ZBED6: variants seen among roughly 807,000 people sequenced by gnomAD.
ZBED6 encodes zinc finger BED domain-containing protein 6.
A neutral mutation model predicts 58.4 loss-of-function variants in ZBED6; 40 were observed. The observed-to-expected ratio is 0.68, with a 90% CI of 0.53 to 0.89. The LOEUF (loss-of-function observed/expected upper bound fraction) is 0.89, where lower values mean the gene tolerates loss of function less well. Ranked by LOEUF, ZBED6 falls within the 40% of genes least tolerant of loss-of-function variation. The pLI, the probability that ZBED6 is intolerant of heterozygous loss-of-function variation, is 0.00. For missense variants in ZBED6, 1,057 were observed against 1,003.9 expected (o/e 1.05, Z -0.71); for synonymous variants, 439 against 350.6 (o/e 1.25, Z -2.82).
At chr1:203,823,113 G>A (rs1395052410) in intron 3 of ZBED6, among the ~76,000 whole-genome samples, 4 of 152,118 alleles carry the variant, frequency 2.6e-5, no homozygotes, top group African/African-American at 9.7e-5. Flanking sequence ...TTAGTGGAGT[G>A]TATATTGGCA....
chr1:203,848,663 G>A (rs57389642), intron 13 of ZBED6, among the ~76,000 whole-genome samples: 1 of 152,136 alleles, frequency 6.6e-6, no homozygotes, highest in Non-Finnish European at 1.5e-5. Context: ...TGAGGCGGGC[G>A]GATCACGAGG....
exon 1 of ZBED6, chr1:203,797,263 A>G: frequency 6.9e-6 from 2 of 288,122 alleles, no homozygotes; most frequent in East Asian, 7.0e-5. Context: ...TAACATGAGG[A>G]CACTGGACTA....
At chr1:203,816,832 A>G (rs955148220) in intron 1 of ZBED6, 94 bp from the exon 2 acceptor site, 26 of 432,102 alleles carry the variant, frequency 6.0e-5, no homozygotes, top group Non-Finnish European at 1.0e-4. Context: ...TATTAATAAA[A>G]TTTGACTCTA....
chr1:203,826,834 T>G (rs1680682381), intron 3 of ZBED6, among the ~76,000 whole-genome samples: 1 of 152,178 alleles, frequency 6.6e-6, no homozygotes, highest in South Asian at 2.1e-4. Context: ...TATTAAAATG[T>G]ATCTAGAAAA....
intron 13 of ZBED6, 55 bp from the exon 14 acceptor site, chr1:203,849,656 A>T: frequency 6.5e-7 from 1 of 1,541,298 alleles, no homozygotes. Flanking sequence ...TACTTACATC[A>T]TACAGGTTAT....
rs368332657 is a variant in ZBED6 at position 203,829,752 on chromosome 1, T to A, written c.*3202-28T>A. 3.1e-6 allele frequency: 5 copies of A among 1,612,796 alleles called. No individual in the cohort carries two copies. The African/African-American group carries it at 6.7e-5, about 22-fold the overall frequency. On this transcript the variant is annotated intron_variant, in intron 5 of 16. Transcript: ENST00000550078. ...AAAGCTATAGGCGTATTTTTAATTG[T>A]GAATTTGCCTTAAATGTTGATATAT... is the stretch of plus-strand genomic sequence containing the variant.
chr1:203,852,421 A>T lies in ZBED6; in HGVS notation c.*5154A>T, dbSNP rs572435498. 15 of 1,572,708 alleles carry T rather than the reference A, an allele frequency of 9.5e-6. No homozygotes were observed. In the East Asian group the frequency reaches 2.8e-4, roughly 29 times the overall value. ...CTGAAGGTGGTAGTGAGGACACTTT[A>T]AAAAAAAAATCGCCAAAAAACTGGA... On this transcript the variant is annotated 3_prime_UTR_variant, in exon 17 of 17. Transcript: ENST00000550078.
At position 203,842,910 on chromosome 1, in the gene ZBED6, A is replaced by G. The variant is rs965413525; in HGVS notation, c.*3741+2536A>G. Among the ~76,000 whole-genome samples the G allele has an allele frequency of 8.5e-5, 10 of 117,386 alleles. No individual in the cohort carries two copies. The Admixed American group carries it at 8.7e-4, about 10-fold the overall frequency. 77.0% of individuals were successfully genotyped at this position (117,386 alleles called of 152,430 possible). A position where few individuals can be genotyped will look rare whatever the true frequency, so the allele number is the denominator to read the frequency against. ...GGAATAATAAAATGAACATCCATGT[A>G]TTCAGCCTTCCGTCTTTTTTTTTTT... On this transcript the variant is annotated intron_variant, in intron 11 of 16. Transcript: ENST00000550078.
chr1:203,819,087 T>TACACACAC (rs202070174), intron 3 of ZBED6, among the ~76,000 whole-genome samples: 26 of 41,462 alleles, frequency 6.3e-4, no homozygotes, highest in East Asian at 5.3e-3. Flanking sequence ...AATATATATA[T>TACACACAC]ATACACACAC....
intron 1 of ZBED6, among the ~76,000 whole-genome samples, chr1:203,805,292 C>T (rs1240423789): frequency 3.3e-5 from 5 of 151,550 alleles, no homozygotes; most frequent in African/African-American, 7.3e-5. Context: ...CCACCACACC[C>T]GGCTAATTTT....
exon 1 of ZBED6, chr1:203,802,465 T>C (rs1670815740): frequency 6.6e-6 from 1 of 152,526 alleles, no homozygotes; most frequent in African/African-American, 2.4e-5. Flanking sequence ...AGTATATATC[T>C]GTATGTATAT....
chr1:203,831,493 A>G (rs554542624), intron 7 of ZBED6, among the ~76,000 whole-genome samples, 168 bp from the exon 8 acceptor site: 6 of 152,284 alleles, frequency 3.9e-5, no homozygotes, highest in African/African-American at 1.2e-4. Context: ...GGCTCCCCTC[A>G]CCACTACTCC....
intron 2 of ZBED6, among the ~76,000 whole-genome samples, chr1:203,817,511 T>C (rs760522143): frequency 2.0e-5 from 3 of 148,688 alleles, no homozygotes; most frequent in Non-Finnish European, 3.0e-5. Context: ...TTCCAGAAAC[T>C]GTCATGGGTT....
chr1:203,816,862 C>T, intron 1 of ZBED6, 64 bp from the exon 2 acceptor site: 1 of 490,022 alleles, frequency 2.0e-6, no homozygotes, highest in Non-Finnish European at 3.7e-6. Flanking sequence ...TCTCATTAGC[C>T]ATGGTGATTT....
At chr1:203,803,996 G>A (rs933597057) in intron 1 of ZBED6, among the ~76,000 whole-genome samples, 4 of 152,006 alleles carry the variant, frequency 2.6e-5, no homozygotes, top group South Asian at 2.1e-4. Context: ...AATTACATTC[G>A]ATGTGTGCAT....
chr1:203,796,197 G>T, exon 1 of ZBED6: 1 of 382,340 alleles, frequency 2.6e-6, no homozygotes, highest in Non-Finnish European at 4.6e-6. Flanking sequence ...TGCTTTCTTC[G>T]GGGCAACAGT....
At chr1:203,846,926 C>T (rs148260406) in intron 11 of ZBED6, among the ~76,000 whole-genome samples, 3 of 151,684 alleles carry the variant, frequency 2.0e-5, no homozygotes, top group African/African-American at 7.3e-5. Context: ...ATCACTTGAA[C>T]CCTGGGAGGC....
At chr1:203,838,884 C>CG (rs1328405227) in intron 10 of ZBED6, among the ~76,000 whole-genome samples, 1 of 141,562 alleles carries the variant, frequency 7.1e-6, no homozygotes, top group Non-Finnish European at 1.5e-5. Flanking sequence ...ACCTGGAAGG[C>CG]GGAGGTTACA....
At chr1:203,799,782 C>T (rs1316377239) in exon 1 of ZBED6, 1 of 1,050,698 alleles carries the variant, frequency 9.5e-7, no homozygotes, top group South Asian at 1.3e-5. Context: ...AACAGATACC[C>T]TACTAAGTGC....
Sources: allele counts gnomAD v4.1 joint callset (sites outside exome capture counted in the v4.1 genomes callset), GRCh38; gene constraint gnomAD v4.1.1; transcripts MANE v1.5; gene names NCBI Gene and HGNC (gene_info 2026-07-23, HGNC 2026-07-21).